KANSL1: variants seen among roughly 807,000 people sequenced by gnomAD.
The protein encoded by KANSL1 is KAT8 regulatory NSL complex subunit 1.
In KANSL1, 22 loss-of-function variants were observed where a neutral mutation model predicts 103.6. The observed-to-expected ratio is 0.21, with a 90% CI of 0.15 to 0.30. KANSL1 has a LOEUF of 0.30. Ranked by LOEUF, KANSL1 falls within the 10% of genes least tolerant of loss-of-function variation. The probability of loss-of-function intolerance (pLI) is 1.00; values close to 1 mark genes in which losing one functional copy is unlikely to be tolerated. For synonymous variants in KANSL1, 600 were observed against 527.6 expected (o/e 1.14, Z -1.88); for missense variants, 1,337 against 1,399.8 (o/e 0.96, Z 0.72).
intron 2 of KANSL1, among the ~76,000 whole-genome samples, chr17:46,148,838 G>C (rs1363085897): frequency 6.7e-6 from 1 of 149,702 alleles, no homozygotes; most frequent in African/African-American, 2.5e-5. Flanking sequence ...TGCCCACCTC[G>C]GTTTCCCAAA....
At chr17:46,134,526 T>C (rs1185774145) in intron 2 of KANSL1, among the ~76,000 whole-genome samples, 2 of 151,824 alleles carry the variant, frequency 1.3e-5, no homozygotes, top group Non-Finnish European at 2.9e-5. Context: ...TTACGAACTA[T>C]TGTTATATGA....
intron 1 of KANSL1, among the ~76,000 whole-genome samples, chr17:46,208,546 G>A (rs922028441): frequency 1.1e-4 from 17 of 151,626 alleles, no homozygotes; most frequent in African/African-American, 4.1e-4. Flanking sequence ...CTGGGGTTTA[G>A]GGGGCTGGAG....
chr17:46,144,058 T>G (rs1357187559), intron 2 of KANSL1, among the ~76,000 whole-genome samples: 5 of 152,230 alleles, frequency 3.3e-5, no homozygotes, highest in Admixed American at 2.6e-4. Context: ...CTGTGGCTCT[T>G]TGTTTTTTAC....
intron 3 of KANSL1, among the ~76,000 whole-genome samples, chr17:46,086,722 TGGA>T (rs1161290935): frequency 6.6e-6 from 1 of 151,962 alleles, no homozygotes; most frequent in Non-Finnish European, 1.5e-5. Flanking sequence ...GGGAAGCCAA[TGGA>T]GGAGGACTGC....
chr17:46,039,695 C>T lies in KANSL1; in HGVS notation c.2203+7G>A. 6.2e-7 allele frequency: 1 copy of T among 1,610,732 alleles called. No individual in the cohort carries two copies. Among genetic ancestry groups the T allele is most frequent in the South Asian group, 1.1e-5 (1 of 90,642 alleles). ...TCTGGGGGACTTCCCGGCTCCCTGA[C>T]ACTTACTGGCTGTTGTTAGGAAGGA... On this transcript the variant is annotated splice_region_variant and intron_variant, in intron 8 of 14. Transcript: ENST00000432791.
intron 2 of KANSL1, among the ~76,000 whole-genome samples, chr17:46,147,292 A>G (rs2044762334): frequency 6.6e-6 from 1 of 152,188 alleles, no homozygotes; most frequent in Non-Finnish European, 1.5e-5. Flanking sequence ...AACGTCAACC[A>G]GACTGGGGTG....
intron 1 of KANSL1, among the ~76,000 whole-genome samples, chr17:46,211,666 T>A (rs975491801): frequency 2.0e-5 from 3 of 152,216 alleles, no homozygotes; most frequent in African/African-American, 7.2e-5. Flanking sequence ...AATTAAAAAG[T>A]CAAGCATCTT....
rs2046701160 is a variant in KANSL1, at chr17:46,179,916, T to C, written c.-89-7684A>G. On this transcript the variant is annotated intron_variant, in intron 1 of 14. Coordinates refer to ENST00000432791, the MANE Select transcript of KANSL1 (RefSeq NM_015443.4). Reference sequence around the variant, plus strand: ...CATCTCTACTAAAATTACCAAAAATTAGCCGGGTGTGGAGGCGCGCACCTG... The same window carrying C: ...CATCTCTACTAAAATTACCAAAAATCAGCCGGGTGTGGAGGCGCGCACCTG... 7.9e-5 allele frequency among the ~76,000 whole-genome samples: 12 copies of C among 151,358 alleles called. No individual in the cohort carries two copies. The South Asian group carries it at 2.5e-3, about 32-fold the overall frequency.
At chr17:46,185,666 T>TAC (rs1555583027) in intron 1 of KANSL1, among the ~76,000 whole-genome samples, 235 of 146,116 alleles carry the variant, frequency 1.6e-3, no homozygotes, top group African/African-American at 5.7e-3. Context: ...CATATATATA[T>TAC]ACACATATAT....
intron 2 of KANSL1, among the ~76,000 whole-genome samples, chr17:46,156,524 C>G (rs2045437100): frequency 6.6e-6 from 1 of 152,232 alleles, no homozygotes; most frequent in African/African-American, 2.4e-5. Context: ...CTCCCTCCTC[C>G]TAAGATTTCA....
chr17:46,224,501 A>G (rs916745505), upstream of KANSL1: 1 of 147,864 alleles, frequency 6.8e-6, no homozygotes, highest in African/African-American at 2.4e-5. Context: ...AACAGCACCC[A>G]CTTCTTAAAA....
intron 12 of KANSL1, 89 bp from the exon 13 acceptor site, chr17:46,033,281 A>T: frequency 1.4e-6 from 2 of 1,425,202 alleles, no homozygotes; most frequent in Non-Finnish European, 9.8e-7. Flanking sequence ...CGGTCACGAC[A>T]GGAATACAAG....
chr17:46,093,246 C>T (rs17660398), intron 3 of KANSL1: 21,683 of 152,184 alleles, frequency 0.14, 2,120 homozygotes, highest in Non-Finnish European at 0.22. Context: ...AGTCATCATT[C>T]CAGTTCAAGT....
chr17:46,081,017 G>C (rs2078970965), intron 4 of KANSL1, among the ~76,000 whole-genome samples: 1 of 152,172 alleles, frequency 6.6e-6, no homozygotes, highest in South Asian at 2.1e-4. Context: ...TGAATGAAGG[G>C]TAGGGAAAGG....
chr17:46,070,062 C>T (rs1283646542), intron 4 of KANSL1, among the ~76,000 whole-genome samples: 3 of 152,170 alleles, frequency 2.0e-5, no homozygotes, highest in Admixed American at 1.3e-4. Context: ...GCAGCAAGAG[C>T]TATAAGGATA....
upstream of KANSL1, chr17:46,193,988 C>T (rs1186506875): frequency 6.4e-6 from 1 of 156,322 alleles, no homozygotes; most frequent in African/African-American, 2.4e-5. Context: ...AGCAGCCAGC[C>T]TCCGTATACT....
At chr17:46,108,566 CAG>C (rs1186570328) in intron 2 of KANSL1, among the ~76,000 whole-genome samples, 2 of 152,286 alleles carry the variant, frequency 1.3e-5, no homozygotes, top group African/African-American at 2.4e-5. Context: ...ATCCGGAAAA[CAG>C]AGATTTTTGT....
chr17:46,041,786 T>G (rs1245565896), intron 7 of KANSL1: 1 of 152,220 alleles, frequency 6.6e-6, no homozygotes, highest in Non-Finnish European at 1.5e-5. Context: ...TATTTATTTC[T>G]TCACAGTTAT....
chr17:46,182,501 G>A (rs1597904214), intron 1 of KANSL1, among the ~76,000 whole-genome samples: 2 of 152,254 alleles, frequency 1.3e-5, no homozygotes, highest in East Asian at 3.8e-4. Context: ...AAGAGATAAT[G>A]TGTGTCACCC....
Sources: gnomAD v4.1 joint callset for allele counts (sites outside exome capture counted in the v4.1 genomes callset) on GRCh38, gnomAD v4.1.1 for gene constraint, MANE v1.5 for transcripts, NCBI Gene and HGNC (gene_info 2026-07-23, HGNC 2026-07-21) for gene names.